RIF1: variants seen among roughly 807,000 people sequenced by gnomAD.
RIF1 encodes telomere-associated protein RIF1.
RIF1 carries 45 observed loss-of-function variants against 247.1 expected under a neutral mutation model. The ratio of observed to expected loss-of-function variants is 0.18; its 90% CI spans 0.14 to 0.23. The LOEUF is 0.23. RIF1 is among the 10% of genes least tolerant of loss of function. The probability of loss-of-function intolerance (pLI) is 1.00; values close to 1 mark genes in which losing one functional copy is unlikely to be tolerated. For missense variants in RIF1, 2,967 were observed against 2,862.5 expected (o/e 1.04, Z -0.83); for synonymous variants, 1,087 against 978.8 (o/e 1.11, Z -2.06).
rs773307697 is a variant in RIF1 at position 151,411,341 on chromosome 2, A to G, written c.183+3A>G. On this transcript the variant is annotated splice_donor_region_variant and intron_variant, in intron 3 of 35. Transcript: ENST00000444746. The stretch of plus-strand genomic sequence containing the variant: ...CTCGGCTGTACAAAGTTTTAAAGGT[A>G]TGTATCTGTTTGTTAAACAGTTTTT... 1.0e-5 allele frequency: 16 copies of G among 1,527,984 alleles called. No homozygotes were observed. The highest frequency in any genetic ancestry group is 1.4e-5 in the Non-Finnish European group (16 of 1,118,440). 94.7% of individuals were successfully genotyped at this position (1,527,984 alleles called of 1,614,324 possible).
intron 9 of RIF1, among the ~76,000 whole-genome samples, chr2:151,487,465 T>G (rs904187509): frequency 4.6e-5 from 7 of 152,210 alleles, no homozygotes; most frequent in African/African-American, 1.7e-4. Flanking sequence ...AGTGGAACAT[T>G]ACTATAAATA....
downstream of RIF1, chr2:151,486,302 A>G (rs1422735462): frequency 1.6e-5 from 3 of 189,186 alleles, no homozygotes; most frequent in East Asian, 4.2e-4. Context: ...ACAATGAGAT[A>G]CCCCTTCACA....
chr2:151,435,496 A>G lies in RIF1; in HGVS notation c.1111A>G (p.Ile371Val), dbSNP rs761911919. 3.7e-6 allele frequency: 6 copies of G among 1,612,544 alleles called. No individual in the cohort carries two copies. In the Admixed American group the frequency reaches 8.3e-5, roughly 22 times the overall value. The change falls in exon 11 of 36, where the codon ATT (isoleucine) becomes GTT (valine). Residue 371 changes from isoleucine (I) to valine (V), a missense_variant. Transcript: ENST00000444746. Reference sequence around the variant, plus strand: ...GCCTCTGATTCAAAGTACAATAAGCATTGATTCTAATGCCTCACCTCAGGG... The same window carrying G: ...GCCTCTGATTCAAAGTACAATAAGCGTTGATTCTAATGCCTCACCTCAGGG... The part of the protein sequence containing the change: ...CVPLIQSTIS[I>V]DSNASPQGNS...
At chr2:151,470,939 T>C (rs994523146) in intron 34 of RIF1, among the ~76,000 whole-genome samples, 2 of 152,182 alleles carry the variant, frequency 1.3e-5, no homozygotes, top group Admixed American at 1.3e-4. Context: ...ATTTACATCG[T>C]GTAAAATTCA....
At chr2:151,421,755 G>A (rs995935585) in intron 7 of RIF1, among the ~76,000 whole-genome samples, 1 of 151,962 alleles carries the variant, frequency 6.6e-6, no homozygotes, top group African/African-American at 2.4e-5. Flanking sequence ...AAGACTTCGT[G>A]GTAATGTTCA....
At chr2:151,522,423 G>C in the RIF1 span, among the ~76,000 whole-genome samples, 1 of 152,192 alleles carries the variant, frequency 6.6e-6, no homozygotes, top group African/African-American at 2.4e-5. Context: ...GAGATTCTCA[G>C]TTTGTTTTCA....
At chr2:151,509,052 C>T (rs1382531081), downstream of RIF1, among the ~76,000 whole-genome samples, 1 of 152,190 alleles carries the variant, frequency 6.6e-6, no homozygotes, top group African/African-American at 2.4e-5. Context: ...AGGAATGAGA[C>T]TAGCCACTGT....
At chr2:151,491,028 C>T (rs1017345123) in intron 9 of RIF1, among the ~76,000 whole-genome samples, 4 of 138,770 alleles carry the variant, frequency 2.9e-5, no homozygotes, top group African/African-American at 1.0e-4. Context: ...ACTGTCTCTA[C>T]ATAATATCCT....
At chr2:151,462,828 C>G in intron 29 of RIF1, 56 bp from the exon 30 acceptor site, 1 of 1,326,252 alleles carries the variant, frequency 7.5e-7, no homozygotes, top group South Asian at 1.5e-5. Flanking sequence ...GAAAGTCAAA[C>G]TCGTTTGCTG....
At chr2:151,434,437 ATTTTTTT>A (rs754795986) in intron 10 of RIF1, among the ~76,000 whole-genome samples, 1 of 107,034 alleles carries the variant, frequency 9.3e-6, no homozygotes, top group Non-Finnish European at 1.8e-5. Context: ...TGGTTTTTGA[ATTTTTTT>A]TTTTTTTTTT....
chr2:151,420,690 TCA>T (rs1688014467), intron 7 of RIF1, among the ~76,000 whole-genome samples: 1 of 144,172 alleles, frequency 6.9e-6, no homozygotes, highest in Non-Finnish European at 1.5e-5. Context: ...AGCTATGATC[TCA>T]CCACTGCATT....
At chr2:151,427,453 C>T (rs955369150) in intron 8 of RIF1, among the ~76,000 whole-genome samples, 3 of 151,170 alleles carry the variant, frequency 2.0e-5, no homozygotes, top group East Asian at 1.9e-4. Context: ...TTAGGTGATT[C>T]GCCTGCCTTG....
At chr2:151,516,515 C>G in the RIF1 span, 1 of 1,613,506 alleles carries the variant, frequency 6.2e-7, no homozygotes, top group Non-Finnish European at 8.5e-7. Context: ...GTTTCAAAGT[C>G]CAGCATGGGT....
intron 13 of RIF1, among the ~76,000 whole-genome samples, chr2:151,507,572 T>A (rs1252086812): frequency 2.0e-5 from 3 of 152,184 alleles, no homozygotes; most frequent in African/African-American, 7.2e-5. Flanking sequence ...AAATCCCCTG[T>A]TTATTACCAT....
intron 10 of RIF1, chr2:151,497,983 A>ACAAT (rs1460745454): frequency 2.9e-5 from 41 of 1,435,336 alleles, no homozygotes; most frequent in Admixed American, 1.4e-4. Flanking sequence ...TGCCTCCTAA[A>ACAAT]CAATCACATG....
In RIF1 at chr2:151,468,030, T is replaced by C; in HGVS notation, c.6631T>C (p.Tyr2211His). The change falls in exon 31 of 36, where the codon TAC becomes CAC. Residue 2211 changes from tyrosine to histidine, a missense_variant. By Grantham distance (83) the Tyr-to-His change is moderately conservative (BLOSUM62 2). Around this residue, in one of 7 missense-constraint regions of RIF1, gnomAD observed 2,028 missense variants for 1,825.6 expected, o/e 1.11. Transcript: ENST00000444746. ...VRRVSFADPI[Y>H]QAGLADDIDR... ...CCGTGTCTCCTTTGCAGATCCAATATACCAAGCAGGATTGGCAGATGACAT... is the reference window on the plus strand; with the variant it reads ...CCGTGTCTCCTTTGCAGATCCAATACACCAAGCAGGATTGGCAGATGACAT... 1 of 1,613,750 alleles carries C rather than the reference T, an allele frequency of 6.2e-7. No homozygotes were observed.
intron 34 of RIF1, among the ~76,000 whole-genome samples, chr2:151,470,654 A>G (rs1305802994): frequency 6.6e-6 from 1 of 152,168 alleles, no homozygotes; most frequent in Non-Finnish European, 1.5e-5. Context: ...AATGAAAAAT[A>G]GAATAAGCAG....
intron 20 of RIF1, among the ~76,000 whole-genome samples, chr2:151,451,390 CTG>C (rs1263314528): frequency 6.6e-6 from 1 of 152,196 alleles, no homozygotes; most frequent in Non-Finnish European, 1.5e-5. Context: ...TGTGGGTACA[CTG>C]TGTTCTCACA....
At chr2:151,498,332 C>G (rs2061752322) in intron 10 of RIF1, 1 of 1,550,872 alleles carries the variant, frequency 6.4e-7, no homozygotes, top group African/African-American at 1.4e-5. Context: ...TTCCTGTCCC[C>G]AGGTTTTCTT....
Sources: gnomAD v4.1 joint callset for allele counts (sites outside exome capture counted in the v4.1 genomes callset) on GRCh38, gnomAD v4.1.1 for gene constraint, gnomAD v4.1.1 regional missense constraint, MANE v1.5 for transcripts, NCBI Gene and HGNC (gene_info 2026-07-23, HGNC 2026-07-21) for gene names.